The following JMJD1C variants were observed in gnomAD, a reference collection of about 807,000 sequenced individuals.
JMJD1C encodes jumonji domain-containing protein 1C.
In JMJD1C, 31 loss-of-function variants were observed where a neutral mutation model predicts 245.3. That is an observed-to-expected ratio of 0.13 (90% confidence interval 0.09 to 0.17). The LOEUF (loss-of-function observed/expected upper bound fraction) is 0.17. JMJD1C is among the 10% of genes least tolerant of loss of function. The pLI, the probability that JMJD1C is intolerant of heterozygous loss-of-function variation, is 1.00. For synonymous variants in JMJD1C, 1,057 were observed against 1,017.4 expected, an observed-to-expected ratio of 1.04 and a Z score of -0.74; for missense variants, 2,691 against 3,000.2, an observed-to-expected ratio of 0.90 and a Z score of 2.41.
chr10:63,361,804 T>A (rs1349834997), intron 2 of JMJD1C, among the ~76,000 whole-genome samples: 2 of 149,376 alleles, frequency 1.3e-5, no homozygotes, highest in Admixed American at 6.7e-5. Context: ...GAAAGCAAAG[T>A]CCAAAATTAT....
intron 1 of JMJD1C, among the ~76,000 whole-genome samples, chr10:63,392,868 AC>A (rs1336926780): frequency 7.5e-5 from 1 of 13,330 alleles, no homozygotes; most frequent in East Asian, 1.9e-3. Flanking sequence ...AAGTACATAA[AC>A]ACACACACAC....
intron 2 of JMJD1C, among the ~76,000 whole-genome samples, chr10:63,367,051 G>A (rs1366592999): frequency 1.3e-5 from 2 of 152,160 alleles, no homozygotes; most frequent in Non-Finnish European, 2.9e-5. Context: ...GGAGATTCAA[G>A]AGACTAGTCC....
intron 1 of JMJD1C, among the ~76,000 whole-genome samples, chr10:63,485,480 G>A (rs1288748630): frequency 6.6e-6 from 1 of 152,116 alleles, no homozygotes; most frequent in African/African-American, 2.4e-5. Flanking sequence ...CCCCTTCAAT[G>A]CTTTGTTTCT....
chr10:63,170,534 C>T (rs1267041402), intron 24 of JMJD1C, among the ~76,000 whole-genome samples: 1 of 152,218 alleles, frequency 6.6e-6, no homozygotes, highest in Non-Finnish European at 1.5e-5. Flanking sequence ...CAGCCAGTTA[C>T]CTAACAGAGA....
chr10:63,391,151 T>TA (rs1491282128), intron 1 of JMJD1C, among the ~76,000 whole-genome samples: 3 of 151,698 alleles, frequency 2.0e-5, no homozygotes, highest in Non-Finnish European at 2.9e-5. Flanking sequence ...AGTTGCAAGA[T>TA]AAAAAAATCA....
Position 63,442,435 on chromosome 10 carries a change from G to T in JMJD1C, c.168+23060C>A, listed in dbSNP as rs191747767. On this transcript the variant is annotated intron_variant, in intron 1 of 25. Coordinates refer to ENST00000399262, the MANE Select transcript of JMJD1C (RefSeq NM_032776.3). ...TTTGTTTCAGATTTGACTCAAGAAC[G>T]ATTAAACTTATAAACTTCTAAAAAG... is the stretch of plus-strand genomic sequence containing the variant. Among the ~76,000 whole-genome samples the T allele has an allele frequency of 5.9e-5, 9 of 152,208 alleles. No homozygotes were observed. The East Asian group carries it at 1.5e-3, about 26-fold the overall frequency.
chr10:63,387,915 G>T (rs375355001), intron 1 of JMJD1C, among the ~76,000 whole-genome samples: 1 of 151,868 alleles, frequency 6.6e-6, no homozygotes, highest in Admixed American at 6.6e-5. Flanking sequence ...GATTACAGGC[G>T]TGAGCCACTG....
chr10:63,399,219 G>T (rs1419092451), intron 1 of JMJD1C, among the ~76,000 whole-genome samples: 2 of 152,256 alleles, frequency 1.3e-5, no homozygotes, highest in African/African-American at 4.8e-5. Flanking sequence ...CTTCAAGGTA[G>T]CTCCTAAGTC....
At chr10:63,402,310 A>T (rs933347364) in intron 1 of JMJD1C, among the ~76,000 whole-genome samples, 2 of 152,200 alleles carry the variant, frequency 1.3e-5, no homozygotes, top group African/African-American at 4.8e-5. Context: ...AAGTACATTT[A>T]CGAAGAATAC....
intron 2 of JMJD1C, among the ~76,000 whole-genome samples, chr10:63,275,842 T>C (rs1856724664): frequency 6.6e-6 from 1 of 152,168 alleles, no homozygotes; most frequent in Admixed American, 6.5e-5. Context: ...ACAACCATAT[T>C]AGTTATCAAC....
intron 3 of JMJD1C, among the ~76,000 whole-genome samples, chr10:63,231,655 A>G (rs1159120799): frequency 2.6e-5 from 4 of 152,052 alleles, no homozygotes; most frequent in African/African-American, 2.4e-5. Flanking sequence ...TTAGTTGAAC[A>G]TGGTGGCACA....
chr10:63,205,742 C>T (rs1483201930), intron 10 of JMJD1C, among the ~76,000 whole-genome samples: 1 of 152,102 alleles, frequency 6.6e-6, no homozygotes. Flanking sequence ...AAAGTATTTA[C>T]GTATCTGAAC....
intron 2 of JMJD1C, among the ~76,000 whole-genome samples, chr10:63,274,130 T>G (rs1261141391): frequency 1.3e-5 from 2 of 152,096 alleles, no homozygotes; most frequent in East Asian, 3.9e-4. Flanking sequence ...ACAACAATCG[T>G]AGGAGGAATT....
intron 1 of JMJD1C, among the ~76,000 whole-genome samples, chr10:63,477,118 T>C (rs1461269264): frequency 2.0e-5 from 3 of 152,116 alleles, no homozygotes; most frequent in Non-Finnish European, 4.4e-5. Context: ...CATGCATCAG[T>C]ATTAATAATA....
intron 10 of JMJD1C, 113 bp downstream of exon 10, chr10:63,206,481 AC>A: frequency 1.4e-6 from 1 of 722,746 alleles, no homozygotes; most frequent in Non-Finnish European, 2.2e-6. Flanking sequence ...AAGCTAAGGC[AC>A]GCAAATGAAG....
chr10:63,383,881 T>C (rs936713095), intron 1 of JMJD1C, among the ~76,000 whole-genome samples: 1 of 152,174 alleles, frequency 6.6e-6, no homozygotes, highest in Non-Finnish European at 1.5e-5. Flanking sequence ...GTGGGGTGTT[T>C]GTGACAATTT....
chr10:63,515,821 G>T (rs1416062464), intron 1 of JMJD1C, among the ~76,000 whole-genome samples: 1 of 152,132 alleles, frequency 6.6e-6, no homozygotes, highest in Admixed American at 6.5e-5. Context: ...AGAGTGCTTT[G>T]TATATGAAGA....
chr10:63,405,434 C>A (rs1301306460), intron 1 of JMJD1C, among the ~76,000 whole-genome samples: 2 of 151,680 alleles, frequency 1.3e-5, no homozygotes, highest in Non-Finnish European at 2.9e-5. Flanking sequence ...GATTCTCATG[C>A]CTCAGCCTCC....
intron 1 of JMJD1C, among the ~76,000 whole-genome samples, chr10:63,391,397 C>T (rs1447648134): frequency 6.6e-6 from 1 of 151,944 alleles, no homozygotes; most frequent in African/African-American, 2.4e-5. Flanking sequence ...GTAGTCCCAG[C>T]CACTTGGGAG....
Sources: allele counts gnomAD v4.1 joint callset (sites outside exome capture counted in the v4.1 genomes callset), GRCh38; gene constraint gnomAD v4.1.1; transcripts MANE v1.5; gene names NCBI Gene and HGNC (gene_info 2026-07-23, HGNC 2026-07-21).